TENM1: variants seen among roughly 807,000 people sequenced by gnomAD.
TENM1 encodes teneurin-1.
A neutral mutation model predicts 174.8 loss-of-function variants in TENM1; 35 were observed. That is an observed-to-expected ratio of 0.20 (90% confidence interval 0.15 to 0.27). TENM1 has a LOEUF of 0.27. Among genes scored for constraint, TENM1 ranks in the 10% least tolerant of loss-of-function variants. TENM1 has a pLI of 1.00. For missense variants in TENM1, 1,633 were observed against 2,130.1 expected, an observed-to-expected ratio of 0.77 and a Z score of 4.59; for synonymous variants, 781 against 798.7, an observed-to-expected ratio of 0.98 and a Z score of 0.37.
At chrX:125,121,193 C>A in the TENM1 span, among the ~76,000 whole-genome samples, 2 of 111,606 alleles carry the variant, frequency 1.8e-5, no homozygotes, top group African/African-American at 6.5e-5. Context: ...CATCCTCATT[C>A]TTATCTTTGG....
At chrX:124,836,434 T>C (rs1401862725) in intron 3 of TENM1, among the ~76,000 whole-genome samples, 1 of 112,111 alleles carries the variant, frequency 8.9e-6, no homozygotes, top group Non-Finnish European at 1.9e-5. Flanking sequence ...CACTATCTTT[T>C]ATCTGTATAT....
intron 11 of TENM1, among the ~76,000 whole-genome samples, chrX:124,568,814 A>T (rs1343608192): frequency 9.0e-6 from 1 of 111,718 alleles, no homozygotes; most frequent in Non-Finnish European, 1.9e-5. Flanking sequence ...GCATCTGTCA[A>T]TTATACTAGA....
chrX:124,998,490 AC>A, the TENM1 span, among the ~76,000 whole-genome samples: 1 of 110,519 alleles, frequency 9.0e-6, no homozygotes, highest in East Asian at 2.8e-4. Flanking sequence ...AAAAAAAAAA[AC>A]AATGATAATA....
the TENM1 span, among the ~76,000 whole-genome samples, chrX:124,987,745 T>C: frequency 1.3e-5 from 1 of 76,762 alleles, no homozygotes; most frequent in Non-Finnish European, 2.6e-5. Flanking sequence ...GTGTGTGTGA[T>C]TACAAAATTT....
intron 3 of TENM1, among the ~76,000 whole-genome samples, chrX:124,765,323 C>T (rs975856443): frequency 1.8e-5 from 2 of 111,950 alleles, no homozygotes; most frequent in Admixed American, 9.5e-5. Flanking sequence ...TTCGTGCAAT[C>T]GTCCAACAGG....
the TENM1 span, among the ~76,000 whole-genome samples, chrX:125,094,798 C>T: frequency 8.9e-6 from 1 of 112,112 alleles, no homozygotes; most frequent in Non-Finnish European, 1.9e-5. Flanking sequence ...AAATAGAAGA[C>T]TTCTGAGAAA....
At chrX:124,522,914 T>C in intron 17 of TENM1, among the ~76,000 whole-genome samples, 1 of 111,495 alleles carries the variant, frequency 9.0e-6, no homozygotes, top group South Asian at 3.8e-4. Context: ...TCTTGAACTC[T>C]CAACCTTAGG....
intron 25 of TENM1, 26 bp downstream of exon 28, chrX:124,420,285 G>A (rs764402223): frequency 1.7e-6 from 2 of 1,173,897 alleles, no homozygotes; most frequent in Non-Finnish European, 2.3e-6. Context: ...ACCTAACAAA[G>A]CCCATGTCAA....
the TENM1 span, among the ~76,000 whole-genome samples, chrX:125,200,700 A>G: frequency 9.1e-6 from 1 of 109,346 alleles, no homozygotes; most frequent in Admixed American, 9.9e-5. Context: ...TACTATAAGA[A>G]AATTTGTTTT....
chrX:124,998,453 G>A, the TENM1 span, among the ~76,000 whole-genome samples: 1 of 104,098 alleles, frequency 9.6e-6, no homozygotes, highest in Non-Finnish European at 1.9e-5. Context: ...CAGCATTTAA[G>A]AAAAGAAGGT....
intron 3 of TENM1, among the ~76,000 whole-genome samples, chrX:124,884,221 G>C (rs1481125034): frequency 9.0e-6 from 1 of 111,076 alleles, no homozygotes; most frequent in Non-Finnish European, 1.9e-5. Flanking sequence ...CTTTGACCCT[G>C]GTAGCAGCAG....
chrX:124,829,075 C>T (rs2056233254), intron 3 of TENM1, among the ~76,000 whole-genome samples: 1 of 111,669 alleles, frequency 9.0e-6, no homozygotes, highest in South Asian at 3.7e-4. Context: ...TAAAAAATGG[C>T]TTCAAGAAAG....
intron 6 of TENM1, among the ~76,000 whole-genome samples, chrX:124,656,097 C>T (rs2051434917): frequency 8.9e-6 from 1 of 112,116 alleles, no homozygotes; most frequent in Non-Finnish European, 1.9e-5. Flanking sequence ...AAATATAAAA[C>T]AATTCAAAAT....
chrX:124,969,964 T>A, the TENM1 span, among the ~76,000 whole-genome samples: 1 of 111,193 alleles, frequency 9.0e-6, no homozygotes, highest in Non-Finnish European at 1.9e-5. Context: ...ATAAAGACCA[T>A]GTTTACATTA....
chrX:124,602,067 C>T (rs1201236588), intron 11 of TENM1, among the ~76,000 whole-genome samples: 1 of 110,918 alleles, frequency 9.0e-6, no homozygotes, highest in African/African-American at 3.3e-5. Flanking sequence ...CAGTAGTTTG[C>T]TCATTTGGCA....
At chrX:125,130,392 A>G in the TENM1 span, among the ~76,000 whole-genome samples, 1 of 111,221 alleles carries the variant, frequency 9.0e-6, no homozygotes, top group Non-Finnish European at 1.9e-5. Context: ...CTAGTAAATC[A>G]TAGTGTTATC....
intron 18 of TENM1, among the ~76,000 whole-genome samples, chrX:124,507,621 G>A (rs2047480577): frequency 8.9e-6 from 1 of 111,997 alleles, no homozygotes; most frequent in Non-Finnish European, 1.9e-5. Flanking sequence ...ACTTATCAGA[G>A]CAGCAGCATT....
chrX:125,137,377 G>A, the TENM1 span, among the ~76,000 whole-genome samples: 1 of 109,296 alleles, frequency 9.1e-6, no homozygotes, highest in African/African-American at 3.3e-5. Context: ...ATTTTAAAAT[G>A]AGGCCCAGTA....
the TENM1 span, among the ~76,000 whole-genome samples, chrX:125,021,441 C>A: frequency 1.2e-4 from 13 of 111,397 alleles, no homozygotes; most frequent in East Asian, 3.4e-3. Context: ...ATAAGGCCCA[C>A]AAGCAAATAG....
Sources: allele counts gnomAD v4.1 joint callset (sites outside exome capture counted in the v4.1 genomes callset), GRCh38; gene constraint gnomAD v4.1.1; transcripts MANE v1.5; gene names NCBI Gene and HGNC (gene_info 2026-07-23, HGNC 2026-07-21).